PALLD: variants seen among roughly 807,000 people sequenced by gnomAD.
The protein encoded by PALLD is palladin, cytoskeletal associated protein, also known as palladin.
Under a neutral mutation model 123.5 loss-of-function variants are expected in PALLD, and 61 were observed. The observed-to-expected ratio is 0.49, with a 90% CI of 0.40 to 0.61. The LOEUF (loss-of-function observed/expected upper bound fraction) is 0.61, where lower values mean the gene tolerates loss of function less well. PALLD is among the 20% of genes least tolerant of loss of function. The pLI, the probability that PALLD is intolerant of heterozygous loss-of-function variation, is 0.00. For synonymous variants in PALLD, 465 were observed against 496.4 expected (o/e 0.94, Z 0.84); for missense variants, 1,273 against 1,377.0 (o/e 0.92, Z 1.20).
At position 168,926,712 on chromosome 4, in the gene PALLD, C is replaced by T. The variant is rs893721528; in HGVS notation, c.*532C>T. On this transcript the variant is annotated 3_prime_UTR_variant, in exon 22 of 22. Coordinates refer to ENST00000505667, the MANE Select transcript of PALLD (RefSeq NM_001166108.2). ...CTACAATTTGTATTATCTACAAGTG[C>T]CTTTAAACACAAGATATAGGTGCTG... 1.6e-5 allele frequency: 5 copies of T among 316,796 alleles called. No individual in the cohort carries two copies. The highest frequency in any genetic ancestry group is 3.0e-5 in the Non-Finnish European group (5 of 168,814). The allele number at this position is 316,796 out of a possible 1,614,324, so 19.6% of individuals were successfully genotyped here.
At chr4:168,898,237 AAAG>A (rs1395779497) in intron 13 of PALLD, 10 of 516,664 alleles carry the variant, frequency 1.9e-5, no homozygotes, top group African/African-American at 7.7e-5. Flanking sequence ...GCCTCAGAGA[AAAG>A]AAGGAAAAAA....
intron 2 of PALLD, among the ~76,000 whole-genome samples, chr4:168,569,565 T>G (rs1442119575): frequency 6.6e-6 from 1 of 152,168 alleles, no homozygotes; most frequent in African/African-American, 2.4e-5. Context: ...ACACTCATTA[T>G]GGAAATTTCT....
At chr4:168,884,040 A>G (rs1753001948) in intron 10 of PALLD, among the ~76,000 whole-genome samples, 1 of 151,934 alleles carries the variant, frequency 6.6e-6, no homozygotes, top group Non-Finnish European at 1.5e-5. Flanking sequence ...GTGCCACTTC[A>G]GGGAGCAGAA....
At chr4:168,538,230 A>G (rs1255326343) in intron 2 of PALLD, among the ~76,000 whole-genome samples, 1 of 152,210 alleles carries the variant, frequency 6.6e-6, no homozygotes, top group African/African-American at 2.4e-5. Context: ...GTGCCTCATG[A>G]TTTGAAGTAT....
At chr4:168,611,785 T>G (rs914842228) in intron 2 of PALLD, among the ~76,000 whole-genome samples, 13 of 152,214 alleles carry the variant, frequency 8.5e-5, no homozygotes, top group African/African-American at 3.1e-4. Flanking sequence ...ACCAGCAGTC[T>G]TAAAGCCTGC....
chr4:168,575,372 G>A (rs1017829277), intron 2 of PALLD, among the ~76,000 whole-genome samples: 12 of 151,954 alleles, frequency 7.9e-5, no homozygotes, highest in South Asian at 6.2e-4. Context: ...GCAGGTGAGA[G>A]AGTGTATGTA....
At chr4:168,627,092 G>GT (rs920756938) in intron 2 of PALLD, among the ~76,000 whole-genome samples, 1 of 152,190 alleles carries the variant, frequency 6.6e-6, no homozygotes, top group Non-Finnish European at 1.5e-5. Context: ...TATTTTATGT[G>GT]TTTTTTAACA....
chr4:168,905,790 C>CTTTCTTTTTTTTT (rs1757627059), intron 15 of PALLD, among the ~76,000 whole-genome samples: 1 of 113,092 alleles, frequency 8.8e-6, no homozygotes. Context: ...GCTTTTTTTT[C>CTTTCTTTTTTTTT]TTTTTTTTTT....
chr4:168,759,380 C>A (rs1732502747), intron 10 of PALLD, among the ~76,000 whole-genome samples: 1 of 151,230 alleles, frequency 6.6e-6, no homozygotes, highest in South Asian at 2.1e-4. Flanking sequence ...CAGAAAAGCA[C>A]CTTTATTTAT....
At chr4:168,647,363 T>A (rs997691668) in intron 2 of PALLD, among the ~76,000 whole-genome samples, 1 of 152,210 alleles carries the variant, frequency 6.6e-6, no homozygotes, top group African/African-American at 2.4e-5. Context: ...CTGTGTTTTT[T>A]CTTAGAGATC....
At chr4:168,696,699 A>G (rs902938139) in intron 8 of PALLD, among the ~76,000 whole-genome samples, 1 of 151,254 alleles carries the variant, frequency 6.6e-6, no homozygotes, top group East Asian at 2.0e-4. Context: ...AAAAAAAAAG[A>G]GAGGGGAGGA....
intron 10 of PALLD, among the ~76,000 whole-genome samples, chr4:168,755,095 T>C (rs889779953): frequency 1.3e-5 from 2 of 151,638 alleles, no homozygotes; most frequent in African/African-American, 2.4e-5. Context: ...TAGCCAGGCG[T>C]GGTGGCGGGC....
intron 2 of PALLD, among the ~76,000 whole-genome samples, chr4:168,512,761 T>C (rs891193090): frequency 1.3e-5 from 2 of 152,198 alleles, no homozygotes; most frequent in Non-Finnish European, 2.9e-5. Flanking sequence ...GTGTGTATAT[T>C]TGAATATGAG....
intron 8 of PALLD, among the ~76,000 whole-genome samples, chr4:168,703,282 CCACATTTT>C (rs1281650969): frequency 7.3e-6 from 1 of 137,612 alleles, no homozygotes; most frequent in Admixed American, 7.2e-5. Flanking sequence ...TGTATATGTG[CCACATTTT>C]CTTAATCCAG....
At chr4:168,662,432 T>C (rs927834618) in intron 2 of PALLD, among the ~76,000 whole-genome samples, 1 of 152,240 alleles carries the variant, frequency 6.6e-6, no homozygotes, top group African/African-American at 2.4e-5. Flanking sequence ...CCTTCAACTT[T>C]AGTTGCTTTG....
intron 10 of PALLD, among the ~76,000 whole-genome samples, chr4:168,851,392 G>A (rs780272580): frequency 2.0e-5 from 3 of 152,148 alleles, no homozygotes; most frequent in Non-Finnish European, 4.4e-5. Flanking sequence ...TTTTGAGACG[G>A]AGTCTGGCTG....
chr4:168,746,338 G>A (rs1231966656), intron 10 of PALLD, among the ~76,000 whole-genome samples: 9 of 125,144 alleles, frequency 7.2e-5, no homozygotes, highest in Middle Eastern at 5.8e-3. Context: ...CTGAGATTGC[G>A]CCACTGCACT....
At chr4:168,868,259 C>A (rs1203745716) in intron 10 of PALLD, among the ~76,000 whole-genome samples, 2 of 152,096 alleles carry the variant, frequency 1.3e-5, no homozygotes, top group South Asian at 4.2e-4. Context: ...CACCCTGCAA[C>A]CAAGGGCAAG....
chr4:168,506,478 G>C (rs1460364245), intron 1 of PALLD, among the ~76,000 whole-genome samples: 1 of 151,970 alleles, frequency 6.6e-6, no homozygotes, highest in African/African-American at 2.4e-5. Context: ...CCTACTGGAA[G>C]CTGAACACCT....
Sources: allele counts gnomAD v4.1 joint callset (sites outside exome capture counted in the v4.1 genomes callset), GRCh38; gene constraint gnomAD v4.1.1; transcripts MANE v1.5; gene names NCBI Gene and HGNC (gene_info 2026-07-23, HGNC 2026-07-21).